The following STX1A variants were observed in gnomAD, a reference collection of about 807,000 sequenced individuals.
STX1A encodes syntaxin 1A, also known as syntaxin-1A.
STX1A carries 4 observed loss-of-function variants against 37.8 expected under a neutral mutation model. The ratio of observed to expected loss-of-function variants is 0.11; its 90% CI spans 0.05 to 0.24. The LOEUF (loss-of-function observed/expected upper bound fraction) is 0.24, where lower values mean the gene tolerates loss of function less well. STX1A is among the 10% of genes least tolerant of loss of function. The pLI, the probability that STX1A is intolerant of heterozygous loss-of-function variation, is 1.00. For synonymous variants in STX1A, 135 were observed against 147.4 expected (o/e 0.92, Z 0.61); for missense variants, 251 against 399.9 (o/e 0.63, Z 3.18).
intron 1 of STX1A, among the ~76,000 whole-genome samples, chr7:73,713,154 G>A (rs1799162950): frequency 6.6e-6 from 1 of 152,140 alleles, no homozygotes; most frequent in Non-Finnish European, 1.5e-5. Context: ...GTGGGATTCT[G>A]ATGGCTCCTG....
chr7:73,705,164 C>A lies in STX1A; in HGVS notation c.269G>T (p.Arg90Leu). ...GCCTGACTCACTCTTTAACTTGGAA[C>A]GAACTTTGTTTGCTGTCTTCTTTAT... is the stretch of plus-strand genomic sequence containing the variant. ...SDIKKTANKV[R>L]SKLKSIEQSI... Residue 90 changes from arginine to leucine, a missense_variant, in exon 4 of 10, where the codon CGT (arginine) becomes CTT (leucine). Coordinates refer to ENST00000222812, the MANE Select transcript of STX1A (RefSeq NM_004603.4). The surrounding 1 kb of genome is among the most constrained non-coding windows in gnomAD (Gnocchi z 5.2). 1 of 1,613,472 alleles carries A rather than the reference C, an allele frequency of 6.2e-7. No homozygotes were observed. Among genetic ancestry groups the A allele is most frequent in the Non-Finnish European group, 8.5e-7 (1 of 1,179,542 alleles).
intron 3 of STX1A, 70 bp downstream of exon 3, chr7:73,708,519 G>T: frequency 1.4e-6 from 2 of 1,467,618 alleles, no homozygotes. Flanking sequence ...GTCCCGTGAG[G>T]CCTCCCTGGC....
Position 73,700,435 on chromosome 7 carries a change from G to A in STX1A, c.839C>T (p.Ala280Val). ...ICCVILGIVIASTVGGIFA is the reference protein window; with the variant it reads ...ICCVILGIVIVSTVGGIFA ...GGCGAAGATGCCCCCAACAGTGGAG[G>A]CGATGACGATGCCCAGGATCACACA... Residue 280 changes from alanine (A) to valine (V), a missense_variant, in exon 10 of 10, where the codon GCC becomes GTC. Physicochemically the swap from Ala to Val is moderately conservative, Grantham distance 64. Transcript: ENST00000222812. The surrounding 1 kb of genome is among the most constrained non-coding windows in gnomAD (Gnocchi z 4.4). 6.2e-7 allele frequency: 1 copy of A among 1,614,130 alleles called. No homozygotes were observed. The highest frequency in any genetic ancestry group is 8.5e-7 in the Non-Finnish European group (1 of 1,180,016).
Position 73,702,692 on chromosome 7 carries a change from G to A in STX1A, c.678+153C>T. 1.3e-6 allele frequency: 2 copies of A among 1,502,328 alleles called. No individual in the cohort carries two copies. Among genetic ancestry groups the A allele is most frequent in the South Asian group, 2.6e-5 (2 of 75,640 alleles). The allele number at this position is 1,502,328 out of a possible 1,614,324, so 93.1% of individuals were successfully genotyped here. A position where few individuals can be genotyped will look rare whatever the true frequency, so the allele number is the denominator to read the frequency against. ...AGGACAGGGACCTTCGGGTCGGCAG[G>A]GCCCTGGCGGCAGTTTCAACAGCGG... On this transcript the variant is annotated intron_variant, in intron 8 of 9. Transcript: ENST00000222812. This position sits in a 1 kb window ranked among gnomAD's most constrained non-coding sequence, Gnocchi z 4.7.
intron 1 of STX1A, among the ~76,000 whole-genome samples, chr7:73,718,520 G>A (rs1799371404): frequency 6.7e-6 from 1 of 150,166 alleles, no homozygotes; most frequent in South Asian, 2.1e-4. Flanking sequence ...GGTGGGGGGT[G>A]CTCCCAGGGA....
Position 73,700,691 on chromosome 7 carries a change from G to A in STX1A, c.789+39C>T, listed in dbSNP as rs374928943. 241 of 1,611,678 alleles carry A rather than the reference G, an allele frequency of 1.5e-4. No homozygotes were observed. Among genetic ancestry groups the A allele is most frequent in the Middle Eastern group, 3.3e-4 (2 of 6,058 alleles). On this transcript the variant is annotated intron_variant, in intron 9 of 9. Coordinates refer to ENST00000222812, the MANE Select transcript of STX1A (RefSeq NM_004603.4). This position sits in a 1 kb window ranked among gnomAD's most constrained non-coding sequence, Gnocchi z 4.4. ...TGGGATGGTTGGGGGTCCCTAATGG[G>A]TGCTGGGGCATGGCCTTGGGCAGGG...
chr7:73,703,022 T>A, intron 7 of STX1A, 40 bp from the exon 8 acceptor site: 2 of 1,215,856 alleles, frequency 1.6e-6, no homozygotes, highest in African/African-American at 4.4e-5. Context: ...AGAGGCTTGC[T>A]GAGGGGCAGG....
chr7:73,705,347 C>T lies in STX1A; in HGVS notation c.209-123G>A. On this transcript the variant is annotated intron_variant, in intron 3 of 9. Coordinates refer to ENST00000222812, the MANE Select transcript of STX1A (RefSeq NM_004603.4). The surrounding 1 kb of genome is among the most constrained non-coding windows in gnomAD (Gnocchi z 5.2). ...GGGAAGATCCCTGTTCTCCCCTGTTCCCCTGGCTAAGGCTCTGCCTGCCCG... is the reference window on the plus strand; with the variant it reads ...GGGAAGATCCCTGTTCTCCCCTGTTTCCCTGGCTAAGGCTCTGCCTGCCCG... 1.2e-6 allele frequency: 1 copy of T among 819,856 alleles called. No individual in the cohort carries two copies. Among genetic ancestry groups the T allele is most frequent in the Non-Finnish European group, 2.0e-6 (1 of 490,460 alleles). The allele number at this position is 819,856 out of a possible 1,614,324, so 50.8% of individuals were successfully genotyped here. A position where few individuals can be genotyped will look rare whatever the true frequency, so the allele number is the denominator to read the frequency against.
Position 73,717,765 on chromosome 7 carries a change from T to C in STX1A, c.30+1837A>G, listed in dbSNP as rs1554618944. Among the ~76,000 whole-genome samples the C allele has an allele frequency of 1.3e-5, 2 of 151,456 alleles. No homozygotes were observed. Among genetic ancestry groups the C allele is most frequent in the Non-Finnish European group, 2.9e-5 (2 of 67,856 alleles). Reference sequence around the variant, plus strand: ...ACCATCTAATCAGGGGGCGAGGAGGTAGTAACAGAGACAGACATCAGAGCA... The same window carrying C: ...ACCATCTAATCAGGGGGCGAGGAGGCAGTAACAGAGACAGACATCAGAGCA... On this transcript the variant is annotated intron_variant, in intron 1 of 9. Coordinates refer to ENST00000222812, the MANE Select transcript of STX1A (RefSeq NM_004603.4). This position sits in a 1 kb window ranked among gnomAD's most constrained non-coding sequence, Gnocchi z 4.1.
chr7:73,705,963 G>A lies in STX1A; in HGVS notation c.209-739C>T, dbSNP rs1798856381. The A allele has an allele frequency of 6.6e-6, 1 of 152,324 alleles. No homozygotes were observed. The highest frequency in any genetic ancestry group is 2.4e-5 in the African/African-American group (1 of 41,444). The allele number at this position is 152,324 out of a possible 1,614,324, so 9.4% of individuals were successfully genotyped here. A position where few individuals can be genotyped will look rare whatever the true frequency, so the allele number is the denominator to read the frequency against. On this transcript the variant is annotated intron_variant, in intron 3 of 9. Coordinates refer to ENST00000222812, the MANE Select transcript of STX1A (RefSeq NM_004603.4). The surrounding 1 kb of genome is among the most constrained non-coding windows in gnomAD (Gnocchi z 5.2). ...TCTCCCTAAAGCTGGCAGAGGCCAT[G>A]GGGGTGCCCAGCTTGCCCCCCTGCC...
rs980752744 is a variant in STX1A at position 73,709,182 on chromosome 7, A to T, written c.31-60T>A. On this transcript the variant is annotated intron_variant, in intron 1 of 9. Transcript: ENST00000222812. This position sits in a 1 kb window ranked among gnomAD's most constrained non-coding sequence, Gnocchi z 4.2. ...GTACAGGACCCACCTGTACACACGC[A>T]GGTGCCCAGGGTACAGCGCCAGGGC... The T allele has an allele frequency of 6.4e-7, 1 of 1,560,730 alleles. No individual in the cohort carries two copies. The highest frequency in any genetic ancestry group is 8.8e-7 in the Non-Finnish European group (1 of 1,142,516).
rs559869631 is a variant in STX1A, at chr7:73,719,637, C to T, written c.-6G>A. On this transcript the variant is annotated 5_prime_UTR_variant, in exon 1 of 10. Transcript: ENST00000222812. ...TCCTGGGTTCGGTCCTTCATGCTCC[C>T]GGGAGTGGCAGCGGCGCCGGCTGCA... 2.9e-5 allele frequency: 35 copies of T among 1,197,368 alleles called. No homozygotes were observed. The highest frequency in any genetic ancestry group is 4.5e-5 in the Admixed American group (1 of 22,126). The allele number at this position is 1,197,368 out of a possible 1,614,324, so 74.2% of individuals were successfully genotyped here.
rs2116721897 is a variant in STX1A at position 73,700,134 on chromosome 7, CCTGCCTGGGT to C, written c.*263_*272del. On this transcript the variant is annotated 3_prime_UTR_variant, in exon 10 of 10. Transcript: ENST00000222812. This position sits in a 1 kb window ranked among gnomAD's most constrained non-coding sequence, Gnocchi z 4.4. The stretch of plus-strand genomic sequence containing the variant: ...GGGTGGCCTGTGTCACCCTGGCGGC[CCTGCCTGGGT>C]CTGCTCCTCGCTGTGCACACTGCAT... 2 of 529,068 alleles carry C rather than the reference CCTGCCTGGGT, an allele frequency of 3.8e-6. No individual in the cohort carries two copies. Among genetic ancestry groups the C allele is most frequent in the South Asian group, 4.6e-5 (2 of 43,916 alleles). 32.8% of individuals were successfully genotyped at this position (529,068 alleles called of 1,614,324 possible). A position where few individuals can be genotyped will look rare whatever the true frequency, so the allele number is the denominator to read the frequency against.
At position 73,700,083 on chromosome 7, in the gene STX1A, C is replaced by G; in HGVS notation, c.*324G>C. The stretch of plus-strand genomic sequence containing the variant: ...TCCCCAGGGAAGAGCAGAACCTGGG[C>G]CCACCGAGTTACTGAAGGCAAGGAA... On this transcript the variant is annotated 3_prime_UTR_variant, in exon 10 of 10. Transcript: ENST00000222812. The surrounding 1 kb of genome is among the most constrained non-coding windows in gnomAD (Gnocchi z 4.4). 2.3e-6 allele frequency: 1 copy of G among 439,072 alleles called. No individual in the cohort carries two copies. Among genetic ancestry groups the G allele is most frequent in the Non-Finnish European group, 4.2e-6 (1 of 237,824 alleles). The allele number at this position is 439,072 out of a possible 1,614,324, so 27.2% of individuals were successfully genotyped here.
At chr7:73,708,785 G>A (rs1563574922) in intron 2 of STX1A, 97 bp from the exon 3 acceptor site, 6 of 1,309,564 alleles carry the variant, frequency 4.6e-6, no homozygotes, top group Non-Finnish European at 5.3e-6. Flanking sequence ...TCAGGGCTCA[G>A]GGGGAGGACG....
intron 1 of STX1A, among the ~76,000 whole-genome samples, chr7:73,711,574 A>G (rs1799104959): frequency 6.6e-6 from 1 of 152,016 alleles, no homozygotes; most frequent in South Asian, 2.1e-4. Flanking sequence ...TTAGACCGTG[A>G]CAGGCCTAGG....
intron 1 of STX1A, among the ~76,000 whole-genome samples, chr7:73,718,429 G>A (rs1407387805): frequency 2.0e-5 from 3 of 152,126 alleles, no homozygotes; most frequent in South Asian, 2.1e-4. Context: ...AAGACAAGCC[G>A]TGGGGTCAAA....
rs1234930256 is a variant in STX1A, at chr7:73,699,716, C to T, written c.*691G>A. ...TTTGCCTCCCTAGCTGCTGGGGTGG[C>T]TGGAAATAGGGCACCAGCCAGCCCC... is the stretch of plus-strand genomic sequence containing the variant. On this transcript the variant is annotated 3_prime_UTR_variant, in exon 10 of 10. Coordinates refer to ENST00000222812, the MANE Select transcript of STX1A (RefSeq NM_004603.4). The T allele has an allele frequency of 6.5e-6, 1 of 152,794 alleles. No homozygotes were observed. Among genetic ancestry groups the T allele is most frequent in the African/African-American group, 2.4e-5 (1 of 41,424 alleles). 9.5% of individuals were successfully genotyped at this position (152,794 alleles called of 1,614,324 possible). A position where few individuals can be genotyped will look rare whatever the true frequency, so the allele number is the denominator to read the frequency against.
Position 73,700,312 on chromosome 7 carries a change from G to T in STX1A, c.*95C>A. On this transcript the variant is annotated 3_prime_UTR_variant, in exon 10 of 10. Coordinates refer to ENST00000222812, the MANE Select transcript of STX1A (RefSeq NM_004603.4). The surrounding 1 kb of genome is among the most constrained non-coding windows in gnomAD (Gnocchi z 4.4). Reference sequence around the variant, plus strand: ...CCGGGAGGGAGGGTGCTCTGAGCCAGAGGCGGGGGTTGGGAGGGCAGCCCA... The same window carrying T: ...CCGGGAGGGAGGGTGCTCTGAGCCATAGGCGGGGGTTGGGAGGGCAGCCCA... 8.0e-7 allele frequency: 1 copy of T among 1,254,244 alleles called. No homozygotes were observed. The highest frequency in any genetic ancestry group is 1.8e-5 in the Admixed American group (1 of 56,170). 77.7% of individuals were successfully genotyped at this position (1,254,244 alleles called of 1,614,324 possible).
Sources: allele counts gnomAD v4.1 joint callset (sites outside exome capture counted in the v4.1 genomes callset), GRCh38; gene constraint gnomAD v4.1.1; non-coding constraint Gnocchi (gnomAD v3.1); transcripts MANE v1.5; gene names NCBI Gene and HGNC (gene_info 2026-07-23, HGNC 2026-07-21).